Variants in MED13L observed in about 807,000 individuals in gnomAD.
The protein encoded by MED13L is mediator complex subunit 13L.
In MED13L, 7 loss-of-function variants were observed where a neutral mutation model predicts 220.9. The observed-to-expected ratio is 0.03, with a 90% CI of 0.02 to 0.06. The LOEUF (loss-of-function observed/expected upper bound fraction) is 0.06. Ranked by LOEUF, MED13L falls within the 10% of genes least tolerant of loss-of-function variation. The pLI is 1.00. For missense variants in MED13L, 1,965 were observed against 2,760.5 expected, an observed-to-expected ratio of 0.71 and a Z score of 6.46; for synonymous variants, 1,011 against 1,015.2, an observed-to-expected ratio of 1.00 and a Z score of 0.08.
At chr12:116,262,192 T>C (rs1215137250) in intron 1 of MED13L, among the ~76,000 whole-genome samples, 1 of 152,204 alleles carries the variant, frequency 6.6e-6, no homozygotes, top group Non-Finnish European at 1.5e-5. Context: ...TCTGTTATTG[T>C]ATTATTTACA....
intron 25 of MED13L, among the ~76,000 whole-genome samples, chr12:115,974,735 T>C (rs1211818500): frequency 6.6e-6 from 1 of 152,214 alleles, no homozygotes; most frequent in East Asian, 1.9e-4. Context: ...TTCTTTGCTG[T>C]TGTGCCACCA....
chr12:115,961,566 G>A, intron 30 of MED13L, 168 bp from the exon 31 acceptor site: 1 of 945,732 alleles, frequency 1.1e-6, no homozygotes, highest in Non-Finnish European at 1.6e-6. Flanking sequence ...CTTCCTTCTA[G>A]ATATGGACTA....
At chr12:116,180,812 T>A (rs1471835948) in intron 2 of MED13L, among the ~76,000 whole-genome samples, 1 of 152,208 alleles carries the variant, frequency 6.6e-6, no homozygotes, top group African/African-American at 2.4e-5. Flanking sequence ...ATATCTAAAG[T>A]ATCAATTAAA....
chr12:116,163,849 C>T (rs1324544382), intron 2 of MED13L, among the ~76,000 whole-genome samples: 1 of 152,076 alleles, frequency 6.6e-6, no homozygotes, highest in Non-Finnish European at 1.5e-5. Context: ...CTTCAAATTG[C>T]TAAGCCTATA....
At chr12:116,020,036 C>A in intron 5 of MED13L, 64 bp from the exon 6 acceptor site, 1 of 1,403,416 alleles carries the variant, frequency 7.1e-7, no homozygotes, top group South Asian at 1.2e-5. Flanking sequence ...AAGTGCAACA[C>A]TACATATGTG....
intron 2 of MED13L, among the ~76,000 whole-genome samples, chr12:116,231,387 A>G (rs969458170): frequency 2.0e-5 from 3 of 152,202 alleles, no homozygotes; most frequent in Admixed American, 2.0e-4. Context: ...ATTCTTGCCA[A>G]ATATGTTTAT....
rs1486816843 is a variant in MED13L, at chr12:115,997,098, G to A, written c.2702C>T (p.Pro901Leu). 6.2e-7 allele frequency: 1 copy of A among 1,613,950 alleles called. No homozygotes were observed. Among genetic ancestry groups the A allele is most frequent in the South Asian group, 1.1e-5 (1 of 90,990 alleles). The change falls in exon 15 of 31, where the codon CCT (proline) becomes CTT (leucine). Residue 901 changes from proline to leucine, a missense_variant. Pro to Leu is a moderately conservative substitution (Grantham distance 98). Coordinates refer to ENST00000281928, the MANE Select transcript of MED13L (RefSeq NM_015335.5). ...TTGTGTTGAAACCATACTGACCATA[G>A]GGCTCTCCATCATGCCTAATGCTGT... ...TVTALGMMES[P>L]MVSMVSTQLT...
At chr12:116,133,963 C>T (rs1157303170) in intron 2 of MED13L, among the ~76,000 whole-genome samples, 1 of 152,162 alleles carries the variant, frequency 6.6e-6, no homozygotes, top group Non-Finnish European at 1.5e-5. Flanking sequence ...GGCAATCAGC[C>T]CCCAGCCTGA....
rs1316754847 is a variant in MED13L at position 116,020,101 on chromosome 12, T to C, written c.626-129A>G. ...TGCATTGTTCTTTATTTCCTAACTC[T>C]ATTTAAAGTATGATTTAAAAGAAAT... On this transcript the variant is annotated intron_variant, in intron 5 of 30. Transcript: ENST00000281928. The C allele has an allele frequency of 3.5e-6, 3 of 852,588 alleles. No homozygotes were observed. The African/African-American group carries it at 5.2e-5, about 15-fold the overall frequency. The allele number at this position is 852,588 out of a possible 1,614,324, so 52.8% of individuals were successfully genotyped here. A position where few individuals can be genotyped will look rare whatever the true frequency, so the allele number is the denominator to read the frequency against.
intron 14 of MED13L, among the ~76,000 whole-genome samples, chr12:115,998,406 C>T (rs1056860404): frequency 3.9e-5 from 6 of 152,220 alleles, no homozygotes; most frequent in Non-Finnish European, 7.3e-5. Context: ...TGACTCCTAG[C>T]TCCGAATCAG....
chr12:116,203,387 TTTTG>T (rs758687091), intron 2 of MED13L, among the ~76,000 whole-genome samples: 27 of 151,966 alleles, frequency 1.8e-4, no homozygotes, highest in Non-Finnish European at 3.4e-4. Context: ...TTTCTGAAGC[TTTTG>T]TTTTAAAAGG....
chr12:116,229,549 G>A (rs773471639), intron 2 of MED13L, among the ~76,000 whole-genome samples: 17 of 151,854 alleles, frequency 1.1e-4, no homozygotes, highest in Non-Finnish European at 1.3e-4. Context: ...CTAATTACAT[G>A]GTTCAGTAAG....
At chr12:115,976,818 G>A (rs1471647498) in intron 23 of MED13L, among the ~76,000 whole-genome samples, 1 of 152,104 alleles carries the variant, frequency 6.6e-6, no homozygotes, top group South Asian at 2.1e-4. Context: ...GAAAACCAGA[G>A]AATTAAGTTT....
chr12:115,992,457 T>C (rs531376219), intron 16 of MED13L, among the ~76,000 whole-genome samples: 2 of 152,304 alleles, frequency 1.3e-5, no homozygotes, highest in East Asian at 1.9e-4. Context: ...CTATAATCTA[T>C]ATATCATATC....
At position 116,078,353 on chromosome 12, in the gene MED13L, T is replaced by C. The variant is rs565433338; in HGVS notation, c.479+18316A>G. 6.6e-5 allele frequency among the ~76,000 whole-genome samples: 10 copies of C among 152,276 alleles called. No homozygotes were observed. In the South Asian group the frequency reaches 1.9e-3, roughly 28 times the overall value. ...ATATAATTTAATTTCTACATATAAT[T>C]TCTACATAATCATTTCTACATATAA... On this transcript the variant is annotated intron_variant, in intron 4 of 30. Transcript: ENST00000281928.
At chr12:116,276,342 G>C (rs899197123) in intron 1 of MED13L, 5 of 609,216 alleles carry the variant, frequency 8.2e-6, no homozygotes, top group Admixed American at 2.5e-5. Flanking sequence ...GTGTGTGTGT[G>C]TGTGTGTGTG....
At chr12:116,105,077 A>G (rs749714107) in intron 3 of MED13L, among the ~76,000 whole-genome samples, 4 of 152,236 alleles carry the variant, frequency 2.6e-5, no homozygotes, top group Admixed American at 1.3e-4. Context: ...ACAAAGTAAC[A>G]GCCATTAGGT....
chr12:116,225,197 A>G (rs1868845959), intron 2 of MED13L, among the ~76,000 whole-genome samples: 1 of 152,216 alleles, frequency 6.6e-6, no homozygotes, highest in South Asian at 2.1e-4. Context: ...TCAAATAGAT[A>G]TATCTGTGTA....
At position 116,007,405 on chromosome 12, in the gene MED13L, T is replaced by C. The variant is rs765599203; in HGVS notation, c.2238+6A>G. The C allele has an allele frequency of 1.0e-5, 16 of 1,605,902 alleles. No homozygotes were observed. Among genetic ancestry groups the C allele is most frequent in the South Asian group, 9.9e-5 (9 of 90,918 alleles). The stretch of plus-strand genomic sequence containing the variant: ...CATGCTGGACTCTCTCTCTGTTAAA[T>C]GGTACCTTATTCTTTTTCAGGGAAT... On this transcript the variant is annotated splice_donor_region_variant and intron_variant, in intron 11 of 30. Transcript: ENST00000281928.
Sources: gnomAD v4.1 joint callset for allele counts (sites outside exome capture counted in the v4.1 genomes callset) on GRCh38, gnomAD v4.1.1 for gene constraint, MANE v1.5 for transcripts, NCBI Gene and HGNC (gene_info 2026-07-23, HGNC 2026-07-21) for gene names.